The following CEP128 variants were observed in gnomAD, a reference collection of about 807,000 sequenced individuals.
The protein encoded by CEP128 is centrosomal protein 128, also known as centrosomal protein 128kDa.
A neutral mutation model predicts 156.7 loss-of-function variants in CEP128; 132 were observed. That is an observed-to-expected ratio of 0.84 (90% confidence interval 0.73 to 0.97). The LOEUF (loss-of-function observed/expected upper bound fraction) is 0.97. Among genes scored for constraint, CEP128 ranks in the 50% least tolerant of loss-of-function variants. The probability of loss-of-function intolerance (pLI) is 0.00; values close to 1 mark genes in which losing one functional copy is unlikely to be tolerated. For synonymous variants in CEP128, 469 were observed against 448.9 expected (o/e 1.04, Z -0.57); for missense variants, 1,252 against 1,281.9 (o/e 0.98, Z 0.36).
At chr14:80,811,642 T>C (rs1484853951) in intron 13 of CEP128, among the ~76,000 whole-genome samples, 1 of 150,988 alleles carries the variant, frequency 6.6e-6, no homozygotes, top group Non-Finnish European at 1.5e-5. Flanking sequence ...CCCTAGTTTG[T>C]GTGTTTGTGT....
At chr14:80,600,983 C>T (rs547800481) in intron 19 of CEP128, among the ~76,000 whole-genome samples, 1 of 151,226 alleles carries the variant, frequency 6.6e-6, no homozygotes, top group South Asian at 2.1e-4. Context: ...GAAGAATATA[C>T]ATGAAGATGA....
rs146654741 is a variant in CEP128, at chr14:80,567,466, T to C, written c.2857-8164A>G. ...TTTATTTAAAATCCCTATACATACT[T>C]CTAGGTAGCTATATGAAACTGACAC... On this transcript the variant is annotated intron_variant, in intron 20 of 24. Transcript: ENST00000555265. 5.0e-3 allele frequency among the ~76,000 whole-genome samples: 762 copies of C among 152,276 alleles called. 5 individuals carry two copies. The highest frequency in any genetic ancestry group is 0.017 in the African/African-American group (700 of 41,552).
chr14:80,839,969 A>G (rs2140080545), intron 10 of CEP128, among the ~76,000 whole-genome samples: 1 of 152,254 alleles, frequency 6.6e-6, no homozygotes, highest in South Asian at 2.1e-4. Context: ...CAAAGGGCAA[A>G]TCTGATGGCC....
At chr14:80,786,414 T>C (rs761041166) in intron 14 of CEP128, among the ~76,000 whole-genome samples, 27 of 152,146 alleles carry the variant, frequency 1.8e-4, no homozygotes, top group Non-Finnish European at 3.4e-4. Context: ...AAAATGCAAA[T>C]ATTTGCAAGA....
chr14:80,818,024 G>T (rs1234253284), intron 13 of CEP128, among the ~76,000 whole-genome samples: 1 of 152,134 alleles, frequency 6.6e-6, no homozygotes, highest in Non-Finnish European at 1.5e-5. Flanking sequence ...CCAACTCAGA[G>T]AAATGACTAG....
At chr14:80,652,890 G>A (rs960428610) in intron 19 of CEP128, among the ~76,000 whole-genome samples, 4 of 152,104 alleles carry the variant, frequency 2.6e-5, no homozygotes, top group South Asian at 2.1e-4. Context: ...ACACGCACAC[G>A]TATGTTTATT....
rs563572754 is a variant in CEP128 at position 80,880,532 on chromosome 14, C to G, written c.645+15186G>C. On this transcript the variant is annotated intron_variant, in intron 8 of 24. Coordinates refer to ENST00000555265, the MANE Select transcript of CEP128 (RefSeq NM_152446.5). ...AATTTGAAAAGAAGTAAAGTTATCT[C>G]TATTTGCAGAGGAAATGGTCCTACA... Among the ~76,000 whole-genome samples the G allele has an allele frequency of 9.9e-5, 15 of 152,168 alleles. No homozygotes were observed. In the South Asian group the frequency reaches 2.7e-3, roughly 27 times the overall value.
intron 20 of CEP128, among the ~76,000 whole-genome samples, chr14:80,560,053 G>C (rs1890603610): frequency 6.6e-6 from 1 of 152,218 alleles, no homozygotes; most frequent in Non-Finnish European, 1.5e-5. Context: ...ACAAAGCAGA[G>C]TGTGAAGATC....
chr14:80,676,724 T>C (rs573278924), intron 19 of CEP128, among the ~76,000 whole-genome samples: 26 of 152,286 alleles, frequency 1.7e-4, no homozygotes, highest in Admixed American at 1.7e-3. Flanking sequence ...TTTATTAAGA[T>C]TTTTTGTAAC....
At chr14:80,839,120 T>C (rs1245414522) in intron 10 of CEP128, among the ~76,000 whole-genome samples, 1 of 152,186 alleles carries the variant, frequency 6.6e-6, no homozygotes, top group Non-Finnish European at 1.5e-5. Context: ...ACCAGTTAAG[T>C]GACTAAATAT....
rs1168541030 is a variant in CEP128 at position 80,654,410 on chromosome 14, G to A, written c.2807-73987C>T. ...GACATTTAAACAGAGAGGGGGATAT[G>A]GGAAGTAAAGAACTAGCTACACAGA... On this transcript the variant is annotated intron_variant, in intron 19 of 24. Coordinates refer to ENST00000555265, the MANE Select transcript of CEP128 (RefSeq NM_152446.5). Among the ~76,000 whole-genome samples the A allele has an allele frequency of 2.6e-5, 4 of 152,216 alleles. 1 individual carries two copies. The South Asian group carries it at 6.2e-4, about 24-fold the overall frequency.
chr14:80,673,664 AAAAAAAAT>A (rs1449192606), intron 19 of CEP128, among the ~76,000 whole-genome samples: 3 of 148,924 alleles, frequency 2.0e-5, no homozygotes, highest in Non-Finnish European at 3.0e-5. Context: ...AAAAAAAAAA[AAAAAAAAT>A]GTACTAAAGC....
At chr14:80,884,084 TAAAG>T (rs1039400988) in intron 8 of CEP128, among the ~76,000 whole-genome samples, 1 of 152,126 alleles carries the variant, frequency 6.6e-6, no homozygotes, top group Non-Finnish European at 1.5e-5. Context: ...TCACATAGAT[TAAAG>T]ACTTAAATCT....
At chr14:80,635,528 G>A (rs955404159) in intron 19 of CEP128, among the ~76,000 whole-genome samples, 10 of 152,138 alleles carry the variant, frequency 6.6e-5, no homozygotes, top group African/African-American at 9.7e-5. Flanking sequence ...TAAAATTTAC[G>A]CTGCAAGAAG....
chr14:80,519,104 TC>T (rs1017250565), intron 23 of CEP128, among the ~76,000 whole-genome samples: 24 of 152,334 alleles, frequency 1.6e-4, no homozygotes, highest in African/African-American at 5.8e-4. Context: ...ATTCTAATAA[TC>T]CCAGCTTTTG....
chr14:80,923,798 T>C (rs532345365), intron 2 of CEP128, among the ~76,000 whole-genome samples: 103 of 152,298 alleles, frequency 6.8e-4, no homozygotes, highest in African/African-American at 2.5e-3. Context: ...CCCACACAAA[T>C]CTCATCTTAA....
chr14:80,794,454 C>G (rs1179733956), intron 13 of CEP128, among the ~76,000 whole-genome samples: 1 of 152,116 alleles, frequency 6.6e-6, no homozygotes, highest in Admixed American at 6.6e-5. Context: ...GAACTGTGTA[C>G]TTGTGTGTGT....
intron 20 of CEP128, among the ~76,000 whole-genome samples, chr14:80,560,024 A>C (rs1254790947): frequency 6.6e-6 from 1 of 152,242 alleles, no homozygotes; most frequent in African/African-American, 2.4e-5. Context: ...GTCTTCACCA[A>C]ATAAAGACTG....
chr14:80,882,340 G>C (rs944122011), intron 8 of CEP128, among the ~76,000 whole-genome samples: 1 of 152,102 alleles, frequency 6.6e-6, no homozygotes, highest in African/African-American at 2.4e-5. Flanking sequence ...CTGATCATCA[G>C]AGAAATACAA....
Sources: gnomAD v4.1 joint callset for allele counts (sites outside exome capture counted in the v4.1 genomes callset) on GRCh38, gnomAD v4.1.1 for gene constraint, MANE v1.5 for transcripts, NCBI Gene and HGNC (gene_info 2026-07-23, HGNC 2026-07-21) for gene names.